FAM135B: variants seen among roughly 807,000 people sequenced by gnomAD.
FAM135B encodes the protein family with sequence similarity 135 member B.
Under a neutral mutation model 127.7 loss-of-function variants are expected in FAM135B, and 43 were observed. The ratio of observed to expected loss-of-function variants is 0.34; its 90% CI spans 0.26 to 0.43. The LOEUF is 0.43. Ranked by LOEUF, FAM135B falls within the 20% of genes least tolerant of loss-of-function variation. The probability of loss-of-function intolerance (pLI) is 1.00; values close to 1 mark genes in which losing one functional copy is unlikely to be tolerated. For missense variants in FAM135B, 1,558 were observed against 1,725.6 expected (o/e 0.90, Z 1.72); for synonymous variants, 670 against 665.1 (o/e 1.01, Z -0.11).
At chr8:138,155,618 A>G (rs1818654662) in intron 12 of FAM135B, among the ~76,000 whole-genome samples, 2 of 152,116 alleles carry the variant, frequency 1.3e-5, no homozygotes, top group African/African-American at 4.8e-5. Context: ...AAGCAAATGG[A>G]AAACAAAAAA....
chr8:138,402,195 A>G (rs1183750166), intron 1 of FAM135B, among the ~76,000 whole-genome samples: 1 of 115,234 alleles, frequency 8.7e-6, no homozygotes, highest in East Asian at 2.6e-4. Context: ...CAGTACCTGG[A>G]ACACTGCCTT....
intron 1 of FAM135B, among the ~76,000 whole-genome samples, chr8:138,426,863 G>A (rs1269579301): frequency 2.6e-5 from 4 of 151,642 alleles, no homozygotes; most frequent in African/African-American, 9.7e-5. Flanking sequence ...CTTTTAACTC[G>A]ATTTCTCCAA....
At chr8:138,278,717 C>A (rs1824032127) in intron 3 of FAM135B, among the ~76,000 whole-genome samples, 1 of 151,874 alleles carries the variant, frequency 6.6e-6, no homozygotes, top group African/African-American at 2.4e-5. Context: ...TGCCCACCAC[C>A]ACACCCAGCT....
chr8:138,146,341 G>A (rs1382193847), intron 14 of FAM135B, among the ~76,000 whole-genome samples: 1 of 152,120 alleles, frequency 6.6e-6, no homozygotes, highest in Admixed American at 6.6e-5. Context: ...AACAGTGGGA[G>A]ATACACCACC....
At chr8:138,446,532 C>A (rs1836170685) in intron 1 of FAM135B, among the ~76,000 whole-genome samples, 1 of 152,174 alleles carries the variant, frequency 6.6e-6, no homozygotes, top group Non-Finnish European at 1.5e-5. Flanking sequence ...TTTGACAAAC[C>A]TGAGAAAAAC....
chr8:138,420,744 C>T (rs1834444183), intron 1 of FAM135B, among the ~76,000 whole-genome samples: 2 of 152,192 alleles, frequency 1.3e-5, no homozygotes, highest in East Asian at 1.9e-4. Flanking sequence ...ACAAAAAACA[C>T]ATGATCATCT....
At chr8:138,327,212 C>A (rs1827847383) in intron 2 of FAM135B, among the ~76,000 whole-genome samples, 1 of 152,104 alleles carries the variant, frequency 6.6e-6, no homozygotes, top group Non-Finnish European at 1.5e-5. Context: ...ACAAAGGAAG[C>A]CACCAGTTCT....
At chr8:138,195,338 A>G (rs750810033) in intron 8 of FAM135B, 31 bp from the exon 9 acceptor site, 4 of 1,604,228 alleles carry the variant, frequency 2.5e-6, no homozygotes, top group South Asian at 1.1e-5. Flanking sequence ...GTGTGATTAA[A>G]TGAACCCACA....
At chr8:138,223,360 GA>G (rs1247054166) in intron 7 of FAM135B, among the ~76,000 whole-genome samples, 1 of 152,202 alleles carries the variant, frequency 6.6e-6, no homozygotes, top group East Asian at 1.9e-4. Flanking sequence ...CAGTGACAAT[GA>G]ACTGTAACCG....
chr8:138,405,728 C>A (rs931780248), intron 1 of FAM135B, among the ~76,000 whole-genome samples: 1 of 152,054 alleles, frequency 6.6e-6, no homozygotes, highest in Non-Finnish European at 1.5e-5. Flanking sequence ...GGTATATACC[C>A]AGTAATGGGA....
chr8:138,234,089 T>G (rs1820097148), intron 7 of FAM135B, among the ~76,000 whole-genome samples: 1 of 152,162 alleles, frequency 6.6e-6, no homozygotes, highest in Non-Finnish European at 1.5e-5. Context: ...AAGGCAATTT[T>G]CATTAATAAA....
At chr8:138,244,075 A>T (rs1313559679) in intron 6 of FAM135B, among the ~76,000 whole-genome samples, 1 of 152,190 alleles carries the variant, frequency 6.6e-6, no homozygotes, top group Non-Finnish European at 1.5e-5. Context: ...ATTGACAGGA[A>T]AATAAATTTA....
chr8:138,168,356 G>A (rs1313983042), intron 11 of FAM135B, among the ~76,000 whole-genome samples: 2 of 152,116 alleles, frequency 1.3e-5, no homozygotes, highest in Non-Finnish European at 2.9e-5. Context: ...AGCAAGCTGA[G>A]TTTTTAAATG....
chr8:138,492,063 A>G (rs1815225531), intron 1 of FAM135B, among the ~76,000 whole-genome samples: 1 of 152,228 alleles, frequency 6.6e-6, no homozygotes, highest in Non-Finnish European at 1.5e-5. Flanking sequence ...CTTTGAGCAA[A>G]GAGTTTAATC....
intron 12 of FAM135B, among the ~76,000 whole-genome samples, chr8:138,158,015 A>G (rs1247551959): frequency 6.6e-6 from 1 of 152,192 alleles, no homozygotes; most frequent in African/African-American, 2.4e-5. Flanking sequence ...AAAAGAACAA[A>G]GCTGGAGGCA....
chr8:138,323,080 A>C (rs1827563199), intron 2 of FAM135B, among the ~76,000 whole-genome samples: 1 of 152,214 alleles, frequency 6.6e-6, no homozygotes, highest in Non-Finnish European at 1.5e-5. Flanking sequence ...ATACTTTTCC[A>C]AGGAAAGTCC....
intron 1 of FAM135B, among the ~76,000 whole-genome samples, chr8:138,417,445 G>C (rs1197798097): frequency 6.6e-6 from 1 of 152,154 alleles, no homozygotes; most frequent in African/African-American, 2.4e-5. Flanking sequence ...GCCGTTCCTT[G>C]CTGCTTTGCT....
intron 7 of FAM135B, among the ~76,000 whole-genome samples, chr8:138,215,458 C>G (rs377062979): frequency 6.6e-6 from 1 of 152,084 alleles, no homozygotes; most frequent in South Asian, 2.1e-4. Flanking sequence ...ACCATGATCC[C>G]TGGAAATAAC....
chr8:138,382,709 GC>G (rs1182654520), intron 1 of FAM135B, among the ~76,000 whole-genome samples: 1 of 152,136 alleles, frequency 6.6e-6, no homozygotes, highest in Non-Finnish European at 1.5e-5. Context: ...ACTCAGAGTA[GC>G]TGCTACTATT....
Sources: gnomAD v4.1 joint callset for allele counts (sites outside exome capture counted in the v4.1 genomes callset) on GRCh38, gnomAD v4.1.1 for gene constraint, MANE v1.5 for transcripts, NCBI Gene and HGNC (gene_info 2026-07-23, HGNC 2026-07-21) for gene names.